GRM5: variants seen among roughly 807,000 people sequenced by gnomAD.
GRM5 encodes the protein metabotropic glutamate receptor 5.
Under a neutral mutation model 83.1 loss-of-function variants are expected in GRM5, and 19 were observed. The ratio of observed to expected loss-of-function variants is 0.23; its 90% CI spans 0.16 to 0.34. The LOEUF (loss-of-function observed/expected upper bound fraction) is 0.34, where lower values mean the gene tolerates loss of function less well. Among genes scored for constraint, GRM5 ranks in the 10% least tolerant of loss-of-function variants. GRM5 has a pLI of 1.00. For synonymous variants in GRM5, 675 were observed against 633.6 expected, an observed-to-expected ratio of 1.07 and a Z score of -0.98; for missense variants, 1,160 against 1,588.3, an observed-to-expected ratio of 0.73 and a Z score of 4.58.
chr11:88,751,056 C>A, intron 3 of GRM5, among the ~76,000 whole-genome samples: 1 of 63,152 alleles, frequency 1.6e-5, no homozygotes. Flanking sequence ...AAACAAACCC[C>A]AAAGATAGCA....
intron 3 of GRM5, among the ~76,000 whole-genome samples, chr11:88,682,599 A>T (rs1170073985): frequency 6.6e-6 from 1 of 152,012 alleles, no homozygotes; most frequent in East Asian, 1.9e-4. Context: ...TCCTTCAAGG[A>T]TATATTCTGG....
chr11:88,690,259 A>T (rs993069508), intron 3 of GRM5, among the ~76,000 whole-genome samples: 1 of 152,130 alleles, frequency 6.6e-6, no homozygotes, highest in Non-Finnish European at 1.5e-5. Flanking sequence ...AATATGAGAA[A>T]CTTGCTTTAC....
At chr11:88,892,966 A>G (rs915987767) in intron 2 of GRM5, among the ~76,000 whole-genome samples, 8 of 151,970 alleles carry the variant, frequency 5.3e-5, no homozygotes, top group African/African-American at 1.9e-4. Flanking sequence ...TTGGCAGGTA[A>G]AACTTTAGAT....
rs539329667 is a variant in GRM5 at position 89,021,282 on chromosome 11, G to T, written c.661+25930C>A. 4.6e-5 allele frequency among the ~76,000 whole-genome samples: 7 copies of T among 152,228 alleles called. No individual in the cohort carries two copies. In the East Asian group the frequency reaches 1.4e-3, roughly 29 times the overall value. On this transcript the variant is annotated intron_variant, in intron 2 of 9. Transcript: ENST00000305447. ...AAAATGTGCAGGAAGAAATAAAAAAGAAAATATCACTAACAAGGTCACTCC... is the reference window on the plus strand; with the variant it reads ...AAAATGTGCAGGAAGAAATAAAAAATAAAATATCACTAACAAGGTCACTCC...
At chr11:88,672,927 T>C (rs1940228451) in intron 3 of GRM5, among the ~76,000 whole-genome samples, 1 of 151,940 alleles carries the variant, frequency 6.6e-6, no homozygotes, top group Admixed American at 6.6e-5. Context: ...GAGAAGTTAC[T>C]GTATCGAGTC....
intron 2 of GRM5, among the ~76,000 whole-genome samples, chr11:89,030,138 T>C (rs1245942933): frequency 6.6e-6 from 1 of 152,152 alleles, no homozygotes; most frequent in African/African-American, 2.4e-5. Context: ...GGTGCAATTA[T>C]GAAACGTATT....
At chr11:88,854,326 G>C (rs1205036495) in intron 2 of GRM5, among the ~76,000 whole-genome samples, 12 of 151,528 alleles carry the variant, frequency 7.9e-5, no homozygotes, top group Non-Finnish European at 1.8e-4. Flanking sequence ...TTGTGTCTAG[G>C]GGGCGTCACT....
At chr11:88,609,927 G>A (rs1366400094) in intron 4 of GRM5, among the ~76,000 whole-genome samples, 1 of 152,114 alleles carries the variant, frequency 6.6e-6, no homozygotes, top group Non-Finnish European at 1.5e-5. Context: ...AATGGTAGGA[G>A]TCCAATTTCA....
chr11:88,508,785 T>A lies in GRM5; in HGVS notation c.3446A>T (p.Glu1149Val), dbSNP rs571695948. The A allele has an allele frequency of 1.4e-6, 2 of 1,462,246 alleles. No individual in the cohort carries two copies. The highest frequency in any genetic ancestry group is 2.9e-5 in the South Asian group (2 of 69,574). The allele number at this position is 1,462,246 out of a possible 1,614,324, so 90.6% of individuals were successfully genotyped here. ...AARESPAAGPEAAAAKPDLEE... is the reference protein window; with the variant it reads ...AARESPAAGPVAAAAKPDLEE... ...CAGGTCTGGCTTGGCGGCCGCAGCC[T>A]CGGGACCGGCCGCGGGGCTCTCCCG... The change falls in exon 10 of 10, where the codon GAG becomes GTG. Residue 1149 changes from glutamate to valine, a missense_variant. Physicochemically the swap from Glu to Val is moderately radical, Grantham distance 121 (BLOSUM62 -2). This residue lies in a region of GRM5 where 562 missense variants were observed against 532.4 expected (regional missense o/e 1.06). Transcript: ENST00000305447. The surrounding 1 kb of genome is among the most constrained non-coding windows in gnomAD (Gnocchi z 4.2).
At chr11:88,600,168 T>C (rs979864810) in intron 5 of GRM5, among the ~76,000 whole-genome samples, 2 of 152,036 alleles carry the variant, frequency 1.3e-5, no homozygotes, top group South Asian at 2.1e-4. Flanking sequence ...CCCAGTTTCT[T>C]TTTTCTCCTT....
At chr11:88,996,196 C>A (rs1940180547) in intron 2 of GRM5, among the ~76,000 whole-genome samples, 1 of 152,156 alleles carries the variant, frequency 6.6e-6, no homozygotes, top group African/African-American at 2.4e-5. Context: ...GGCCTATTTT[C>A]CATACACACA....
At position 88,567,870 on chromosome 11, in the gene GRM5, G is replaced by A. The variant is rs374621808; in HGVS notation, c.1813C>T (p.Arg605Cys). The A allele has an allele frequency of 8.1e-6, 13 of 1,613,548 alleles. No individual in the cohort carries two copies. Among genetic ancestry groups the A allele is most frequent in the Admixed American group, 6.7e-5 (4 of 60,026 alleles). ...GAGGACTTGACTACTGGTGTATCACGGTAAATGATGAAGACTACAGTAACA... is the reference window on the plus strand; with the variant it reads ...GAGGACTTGACTACTGGTGTATCACAGTAAATGATGAAGACTACAGTAACA... ...LFVTVVFIIY[R>C]DTPVVKSSSR... Residue 605 changes from arginine to cysteine, a missense_variant, in exon 8 of 10, where the codon CGT (arginine) becomes TGT (cysteine). Coordinates refer to ENST00000305447, the MANE Select transcript of GRM5 (RefSeq NM_001143831.3). The surrounding 1 kb of genome is among the most constrained non-coding windows in gnomAD (Gnocchi z 7.3).
At chr11:88,871,981 A>C (rs2135562532) in intron 2 of GRM5, among the ~76,000 whole-genome samples, 1 of 151,704 alleles carries the variant, frequency 6.6e-6, no homozygotes, top group East Asian at 1.9e-4. Flanking sequence ...GAAAAAAAAC[A>C]GGCTGCTGAA....
intron 8 of GRM5, among the ~76,000 whole-genome samples, chr11:88,565,286 T>C (rs1370702516): frequency 6.6e-6 from 1 of 152,180 alleles, no homozygotes; most frequent in Non-Finnish European, 1.5e-5. Flanking sequence ...ACACATATTA[T>C]CTCCTTCATT....
intron 3 of GRM5, among the ~76,000 whole-genome samples, chr11:88,787,611 T>C (rs1479316248): frequency 2.0e-5 from 3 of 152,120 alleles, no homozygotes; most frequent in Non-Finnish European, 4.4e-5. Context: ...GAGGCTCTTA[T>C]AGCCATCCAG....
intron 3 of GRM5, among the ~76,000 whole-genome samples, chr11:88,785,611 C>T (rs1213575687): frequency 6.6e-6 from 1 of 152,032 alleles, no homozygotes; most frequent in Non-Finnish European, 1.5e-5. Flanking sequence ...GTATTATCCT[C>T]GGAGACACAA....
intron 3 of GRM5, among the ~76,000 whole-genome samples, chr11:88,720,673 A>C (rs1941511846): frequency 6.6e-6 from 1 of 152,092 alleles, no homozygotes; most frequent in South Asian, 2.1e-4. Context: ...CACATTTTAG[A>C]AAAAGTTAAA....
intron 2 of GRM5, among the ~76,000 whole-genome samples, chr11:88,968,053 G>A (rs1472695902): frequency 6.6e-6 from 1 of 152,108 alleles, no homozygotes; most frequent in African/African-American, 2.4e-5. Flanking sequence ...ACAGAATTGA[G>A]AGATTTAGGA....
chr11:88,897,599 T>A (rs1945249246), intron 2 of GRM5, among the ~76,000 whole-genome samples: 1 of 151,780 alleles, frequency 6.6e-6, no homozygotes, highest in South Asian at 2.1e-4. Flanking sequence ...TGGGGACATT[T>A]TTTACTGTCT....
Sources: allele counts gnomAD v4.1 joint callset (sites outside exome capture counted in the v4.1 genomes callset), GRCh38; gene constraint gnomAD v4.1.1; regional missense constraint gnomAD v4.1.1; non-coding constraint Gnocchi (gnomAD v3.1); transcripts MANE v1.5; gene names NCBI Gene and HGNC (gene_info 2026-07-23, HGNC 2026-07-21).